Variants in LRP1B observed in about 807,000 individuals in gnomAD.
LRP1B encodes the protein LDL receptor related protein 1B.
In LRP1B, 217 loss-of-function variants were observed where a neutral mutation model predicts 556.6. The ratio of observed to expected loss-of-function variants is 0.39; its 90% CI spans 0.35 to 0.44. The LOEUF (loss-of-function observed/expected upper bound fraction) is 0.44. LRP1B is among the 20% of genes least tolerant of loss of function. The probability of loss-of-function intolerance (pLI) is 1.00; values close to 1 mark genes in which losing one functional copy is unlikely to be tolerated. For synonymous variants in LRP1B, 2,047 were observed against 1,865.8 expected, an observed-to-expected ratio of 1.10 and a Z score of -2.50; for missense variants, 5,053 against 5,620.8, an observed-to-expected ratio of 0.90 and a Z score of 3.23.
At chr2:140,357,555 A>T (rs1399135031) in intron 74 of LRP1B, among the ~76,000 whole-genome samples, 1 of 151,744 alleles carries the variant, frequency 6.6e-6, no homozygotes, top group Non-Finnish European at 1.5e-5. Context: ...TAACTAAAAA[A>T]AAAAATCACA....
chr2:140,708,422 T>A (rs537701770), intron 37 of LRP1B, among the ~76,000 whole-genome samples: 1 of 151,894 alleles, frequency 6.6e-6, no homozygotes, highest in African/African-American at 2.4e-5. Context: ...TTTTGAGTAA[T>A]TATATAGGAC....
At chr2:140,642,121 C>G (rs972331360) in intron 41 of LRP1B, among the ~76,000 whole-genome samples, 81 of 152,180 alleles carry the variant, frequency 5.3e-4, no homozygotes, top group African/African-American at 1.9e-3. Flanking sequence ...CTCAGTGGGC[C>G]AGAGTTATCA....
chr2:141,339,931 T>G (rs919422445), intron 3 of LRP1B, among the ~76,000 whole-genome samples: 1 of 152,022 alleles, frequency 6.6e-6, no homozygotes, highest in African/African-American at 2.4e-5. Context: ...TTCACCCCCC[T>G]CCAAACCTCC....
chr2:140,482,995 C>T (rs928319376), intron 59 of LRP1B, among the ~76,000 whole-genome samples: 2 of 152,130 alleles, frequency 1.3e-5, no homozygotes, highest in Admixed American at 1.3e-4. Context: ...ACAGTTATGG[C>T]ATTTTCACCC....
intron 2 of LRP1B, among the ~76,000 whole-genome samples, chr2:141,588,915 G>A (rs1393107746): frequency 1.3e-5 from 2 of 152,108 alleles, no homozygotes; most frequent in African/African-American, 4.8e-5. Flanking sequence ...AAGACAACAG[G>A]TCCACATGGA....
At chr2:141,216,039 A>C (rs536719917) in intron 6 of LRP1B, among the ~76,000 whole-genome samples, 6 of 152,180 alleles carry the variant, frequency 3.9e-5, no homozygotes, top group Non-Finnish European at 8.8e-5. Context: ...TCTCAAAGGC[A>C]CTTCAGAGGC....
chr2:140,843,059 TTTTTTTTGTTTTTTTTTTTTTGTTTG>T (rs1259843933), intron 29 of LRP1B, among the ~76,000 whole-genome samples: 8 of 21,974 alleles, frequency 3.6e-4, no homozygotes, highest in East Asian at 4.8e-3. Flanking sequence ...CAAAGTGGTT[TTTTTTTTGTTTTTTTTTTTTTGTTTG>T]TTTTTTTTTT....
chr2:140,914,608 GA>G (rs1342017743), intron 21 of LRP1B, among the ~76,000 whole-genome samples: 1 of 151,980 alleles, frequency 6.6e-6, no homozygotes, highest in Non-Finnish European at 1.5e-5. Flanking sequence ...AGAAAGATGA[GA>G]AGGAGCAAAA....
chr2:140,722,607 A>G (rs944161645), intron 35 of LRP1B, among the ~76,000 whole-genome samples: 2 of 152,212 alleles, frequency 1.3e-5, no homozygotes, highest in African/African-American at 4.8e-5. Flanking sequence ...CTTGGCTGAT[A>G]GTGCTCACTT....
chr2:141,512,534 C>A (rs1684168175), intron 2 of LRP1B, among the ~76,000 whole-genome samples: 1 of 152,152 alleles, frequency 6.6e-6, no homozygotes. Flanking sequence ...TGGCAGAGCT[C>A]CCTCCAGCTT....
In LRP1B at chr2:140,684,097, G is replaced by A. The variant is rs374633262; in HGVS notation, c.6799+16153C>T. ...AATACCAATGAGGATAAATCAGAGAGTGAGAAAAAAATGACGGAATCTATA... is the reference window on the plus strand; with the variant it reads ...AATACCAATGAGGATAAATCAGAGAATGAGAAAAAAATGACGGAATCTATA... On this transcript the variant is annotated intron_variant, in intron 41 of 90. Transcript: ENST00000389484. 7.2e-5 allele frequency among the ~76,000 whole-genome samples: 11 copies of A among 152,246 alleles called. No individual in the cohort carries two copies. The East Asian group carries it at 1.9e-3, about 27-fold the overall frequency.
intron 32 of LRP1B, among the ~76,000 whole-genome samples, chr2:140,790,222 A>G (rs1483910504): frequency 2.6e-5 from 4 of 152,156 alleles, no homozygotes; most frequent in Non-Finnish European, 1.5e-5. Flanking sequence ...ATAGATATAT[A>G]ATGATGAATT....
At chr2:140,281,044 A>G (rs1682892385) in intron 84 of LRP1B, among the ~76,000 whole-genome samples, 1 of 151,914 alleles carries the variant, frequency 6.6e-6, no homozygotes, top group African/African-American at 2.4e-5. Flanking sequence ...TGAAGAATAA[A>G]TGAATGGCTA....
intron 41 of LRP1B, among the ~76,000 whole-genome samples, chr2:140,684,172 A>T (rs1685966097): frequency 6.6e-6 from 1 of 152,232 alleles, no homozygotes; most frequent in African/African-American, 2.4e-5. Flanking sequence ...TATTTAATCA[A>T]TTACTGAATA....
intron 48 of LRP1B, 112 bp downstream of exon 48, chr2:140,526,125 G>A (rs1282493297): frequency 7.4e-7 from 1 of 1,344,324 alleles, no homozygotes; most frequent in South Asian, 1.3e-5. Flanking sequence ...CACACAACAG[G>A]GGTTAATTAC....
intron 59 of LRP1B, among the ~76,000 whole-genome samples, chr2:140,477,925 C>T (rs1573983078): frequency 6.6e-6 from 1 of 152,030 alleles, no homozygotes; most frequent in East Asian, 1.9e-4. Context: ...TTTTTCATTA[C>T]AGTCTCACAT....
intron 3 of LRP1B, among the ~76,000 whole-genome samples, chr2:141,299,637 G>C (rs1237905632): frequency 6.6e-6 from 1 of 152,102 alleles, no homozygotes; most frequent in African/African-American, 2.4e-5. Flanking sequence ...ATTGTACACG[G>C]ACTGTCTCAG....
At chr2:140,982,343 A>G in intron 17 of LRP1B, 67 bp from the exon 18 acceptor site, 1 of 924,800 alleles carries the variant, frequency 1.1e-6, no homozygotes, top group South Asian at 1.3e-5. Context: ...GATATAATTA[A>G]GCATGCAATA....
intron 43 of LRP1B, among the ~76,000 whole-genome samples, chr2:140,578,722 C>CT (rs1681635732): frequency 6.6e-6 from 1 of 151,354 alleles, no homozygotes; most frequent in Non-Finnish European, 1.5e-5. Context: ...CACATGTACC[C>CT]TAAAACTTAA....
Sources: allele counts gnomAD v4.1 joint callset (sites outside exome capture counted in the v4.1 genomes callset), GRCh38; gene constraint gnomAD v4.1.1; transcripts MANE v1.5; gene names NCBI Gene and HGNC (gene_info 2026-07-23, HGNC 2026-07-21).